The following PCDHA12 variants were observed in gnomAD, a reference collection of about 807,000 sequenced individuals.
PCDHA12 encodes protocadherin alpha 12.
Under a neutral mutation model 60.0 loss-of-function variants are expected in PCDHA12, and 44 were observed. The observed-to-expected ratio is 0.73, with a 90% CI of 0.58 to 0.94. The LOEUF (loss-of-function observed/expected upper bound fraction) is 0.94. PCDHA12 is among the 40% of genes least tolerant of loss of function. The probability of loss-of-function intolerance (pLI) is 0.00; values close to 1 mark genes in which losing one functional copy is unlikely to be tolerated. For synonymous variants in PCDHA12, 569 were observed against 553.0 expected, an observed-to-expected ratio of 1.03 and a Z score of -0.40; for missense variants, 1,276 against 1,239.7, an observed-to-expected ratio of 1.03 and a Z score of -0.44.
At chr5:140,926,998 G>C in intron 1 of PCDHA12, 1 of 1,612,288 alleles carries the variant, frequency 6.2e-7, no homozygotes, top group Non-Finnish European at 8.5e-7. Flanking sequence ...GGGCGTAGCC[G>C]TAGGCAATCT....
intron 1 of PCDHA12, among the ~76,000 whole-genome samples, chr5:140,940,317 A>G (rs782009825): frequency 1.5e-4 from 23 of 152,024 alleles, no homozygotes; most frequent in Non-Finnish European, 2.2e-4. Context: ...CTTTCTTCCA[A>G]TTTTACTAAT....
At chr5:140,933,731 A>G (rs1210438420) in intron 1 of PCDHA12, among the ~76,000 whole-genome samples, 2 of 151,958 alleles carry the variant, frequency 1.3e-5, no homozygotes, top group East Asian at 1.9e-4. Context: ...CAGCTTTCTT[A>G]AATATTTGGT....
At chr5:140,894,469 C>T (rs183471525) in intron 1 of PCDHA12, among the ~76,000 whole-genome samples, 8 of 151,852 alleles carry the variant, frequency 5.3e-5, no homozygotes, top group Admixed American at 5.2e-4. Context: ...ACTTTTTATT[C>T]TTGTTTTCAT....
At chr5:140,883,313 G>A (rs1469839417) in intron 1 of PCDHA12, 2 of 1,614,000 alleles carry the variant, frequency 1.2e-6, no homozygotes, top group African/African-American at 2.7e-5. Flanking sequence ...TAACGCCCCA[G>A]AGGTTACCAT....
chr5:140,883,126 G>A (rs781992873), intron 1 of PCDHA12: 2 of 1,614,036 alleles, frequency 1.2e-6, no homozygotes, highest in South Asian at 1.1e-5. Context: ...GGCCTGTATG[G>A]CCTGCAGTGG....
chr5:141,004,148 C>T (rs971282591), intron 3 of PCDHA12, among the ~76,000 whole-genome samples: 1 of 152,222 alleles, frequency 6.6e-6, no homozygotes, highest in African/African-American at 2.4e-5. Context: ...AAAGGCATGA[C>T]ATTTTATAGG....
At chr5:140,993,668 A>G (rs551356894) in intron 3 of PCDHA12, among the ~76,000 whole-genome samples, 167 of 152,322 alleles carry the variant, frequency 1.1e-3, no homozygotes, top group African/African-American at 3.4e-3. Context: ...ACAATGGACC[A>G]CATATGTGAC....
chr5:141,005,714 A>AAG (rs2098233543), intron 3 of PCDHA12, among the ~76,000 whole-genome samples: 1 of 148,328 alleles, frequency 6.7e-6, no homozygotes, highest in Non-Finnish European at 1.5e-5. Flanking sequence ...AAAAAAAAAA[A>AAG]AAAAAAAAAA....
intron 1 of PCDHA12, among the ~76,000 whole-genome samples, chr5:140,965,905 G>A (rs76116187): frequency 0.016 from 2,504 of 152,338 alleles, 69 homozygotes; most frequent in African/African-American, 0.056. Context: ...TGGATCCCAG[G>A]ATGCTGGTTT....
intron 1 of PCDHA12, chr5:140,881,265 T>C (rs1352186503): frequency 1.7e-6 from 1 of 600,348 alleles, no homozygotes; most frequent in Non-Finnish European, 2.1e-6. Context: ...TACTCAGTGA[T>C]GATGAAGTAA....
intron 1 of PCDHA12, among the ~76,000 whole-genome samples, chr5:140,907,623 G>T (rs553186767): frequency 6.6e-6 from 1 of 152,352 alleles, no homozygotes; most frequent in East Asian, 1.9e-4. Context: ...AGGGCTCAGT[G>T]TTGGTCTCTG....
chr5:140,879,761 G>A (rs2058106657), intron 1 of PCDHA12, among the ~76,000 whole-genome samples: 1 of 152,152 alleles, frequency 6.6e-6, no homozygotes, highest in South Asian at 2.1e-4. Flanking sequence ...TACTCTCTTT[G>A]GAGGCCCCAG....
chr5:140,960,395 AG>A (rs562972971), intron 1 of PCDHA12, among the ~76,000 whole-genome samples: 1 of 152,150 alleles, frequency 6.6e-6, no homozygotes, highest in African/African-American at 2.4e-5. Context: ...TTAGGATGCA[AG>A]GGGGGGTGCC....
intron 1 of PCDHA12, chr5:140,927,658 C>G (rs782350503): frequency 6.2e-7 from 1 of 1,614,094 alleles, no homozygotes; most frequent in East Asian, 2.2e-5. Context: ...ATTCCGAGTT[C>G]AAGCCTTGGA....
chr5:140,907,733 A>C (rs2073566986), intron 1 of PCDHA12, among the ~76,000 whole-genome samples: 1 of 152,162 alleles, frequency 6.6e-6, no homozygotes, highest in Non-Finnish European at 1.5e-5. Context: ...CATCCCTGCC[A>C]CCATGGCCAC....
Position 140,877,206 on chromosome 5 carries a change from C to A in PCDHA12, c.1734C>A (p.Ser578Arg), listed in dbSNP as rs782807049. 10 of 1,613,650 alleles carry A rather than the reference C, an allele frequency of 6.2e-6. No homozygotes were observed. The highest frequency in any genetic ancestry group is 8.5e-6 in the Non-Finnish European group (10 of 1,179,798). Residue 578 changes from serine (S) to arginine (R), a missense_variant, in exon 1 of 4, where the codon AGC becomes AGA. Physicochemically the swap from Ser to Arg is moderately radical, Grantham distance 110 (BLOSUM62 -1). Transcript: ENST00000398631. ...TPAGSAGGAV[S>R]ELVPRSVGAG... ...CTGGCAGCGCAGGAGGCGCAGTTAG[C>A]GAGTTGGTACCGCGGTCGGTGGGTG...
intron 1 of PCDHA12, among the ~76,000 whole-genome samples, chr5:140,922,038 T>A (rs1048446579): frequency 6.6e-6 from 1 of 152,088 alleles, no homozygotes. Context: ...AATGTAATTT[T>A]CCCACATACC....
intron 1 of PCDHA12, among the ~76,000 whole-genome samples, chr5:140,964,981 T>C (rs2095867317): frequency 6.6e-6 from 1 of 152,188 alleles, no homozygotes; most frequent in Non-Finnish European, 1.5e-5. Context: ...ATGTGCTAGT[T>C]CAGGCCTTTG....
At chr5:140,882,457 G>A (rs781908788) in intron 1 of PCDHA12, 2 of 1,613,938 alleles carry the variant, frequency 1.2e-6, no homozygotes, top group East Asian at 2.2e-5. Flanking sequence ...TGCCGCGCCT[G>A]TTCCGGGTGG....
Sources: gnomAD v4.1 joint callset for allele counts (sites outside exome capture counted in the v4.1 genomes callset) on GRCh38, gnomAD v4.1.1 for gene constraint, MANE v1.5 for transcripts, NCBI Gene and HGNC (gene_info 2026-07-23, HGNC 2026-07-21) for gene names.